The following LRRC9 variants were observed in gnomAD, a reference collection of about 807,000 sequenced individuals.
The protein encoded by LRRC9 is leucine rich repeat containing 9.
In LRRC9, 122 loss-of-function variants were observed where a neutral mutation model predicts 63.2. The observed-to-expected ratio is 1.93, with a 90% CI of 1.67 to 2.24. LRRC9 has a LOEUF of 2.24. Ranked by LOEUF, LRRC9 falls within the 30% of genes most tolerant of loss-of-function variation. LRRC9 has a pLI of 0.00. For missense variants in LRRC9, 1,071 were observed against 627.7 expected, an observed-to-expected ratio of 1.71 and a Z score of -7.55; for synonymous variants, 366 against 213.1, an observed-to-expected ratio of 1.72 and a Z score of -6.25.
chr14:60,036,142 T>C (rs922483285), intron 29 of LRRC9, among the ~76,000 whole-genome samples: 1 of 152,048 alleles, frequency 6.6e-6, no homozygotes, highest in Non-Finnish European at 1.5e-5. Flanking sequence ...ACTGGTCCCA[T>C]CACAAGGACC....
rs1048869621 is a variant in LRRC9 at position 59,938,920 on chromosome 14, C to CAT, written c.726+356_726+357dup. ...ATATATATACATATATACACATATG[C>CAT]ATATATATACACATATATACATATA... On this transcript the variant is annotated intron_variant, in intron 7 of 31. Coordinates refer to ENST00000445360, the Ensembl canonical transcript of LRRC9. The surrounding 1 kb of genome is among the most constrained non-coding windows in gnomAD (Gnocchi z 4.2). 1.5e-5 allele frequency among the ~76,000 whole-genome samples: 2 copies of CAT among 129,794 alleles called. No individual in the cohort carries two copies. Among genetic ancestry groups the CAT allele is most frequent in the African/African-American group, 3.0e-5 (1 of 33,048 alleles). 85.1% of individuals were successfully genotyped at this position (129,794 alleles called of 152,430 possible). A position where few individuals can be genotyped will look rare whatever the true frequency, so the allele number is the denominator to read the frequency against.
At chr14:59,960,791 C>T (rs1884271421) in intron 9 of LRRC9, 123 bp from the exon 10 acceptor site, 2 of 476,816 alleles carry the variant, frequency 4.2e-6, no homozygotes, top group Non-Finnish European at 7.4e-6. Context: ...TAACACCAAG[C>T]TTTCTTTATC....
At position 60,001,618 on chromosome 14, in the gene LRRC9, G is replaced by A. The variant is rs562623547; in HGVS notation, c.2530-348G>A. On this transcript the variant is annotated intron_variant, in intron 19 of 31. Transcript: ENST00000445360. ...AGATAATGATCACTTCTAAAGAAAA[G>A]GAAAGAAAAGGGCTTAGGATCGGGC... 5.0e-4 allele frequency among the ~76,000 whole-genome samples: 76 copies of A among 152,112 alleles called. 1 individual carries two copies. The highest frequency in any genetic ancestry group is 5.0e-4 in the Non-Finnish European group (34 of 67,994).
At chr14:60,035,934 C>T (rs1892391937) in intron 29 of LRRC9, among the ~76,000 whole-genome samples, 1 of 142,248 alleles carries the variant, frequency 7.0e-6, no homozygotes, top group East Asian at 2.1e-4. Context: ...TTTTTTTTAA[C>T]AACAGATATT....
intron 26 of LRRC9, among the ~76,000 whole-genome samples, chr14:60,020,556 T>C (rs557892098): frequency 2.4e-4 from 37 of 152,086 alleles, no homozygotes; most frequent in Middle Eastern, 3.4e-3. Flanking sequence ...TAGAGTTGTA[T>C]AATCATGACT....
chr14:59,957,609 A>C (rs1041637255), intron 8 of LRRC9, among the ~76,000 whole-genome samples: 3 of 152,130 alleles, frequency 2.0e-5, no homozygotes, highest in Non-Finnish European at 2.9e-5. Context: ...GTTATTACCC[A>C]CCTTCTGAAG....
At chr14:60,019,036 A>C in intron 25 of LRRC9, 85 bp from the exon 26 acceptor site, 1 of 531,912 alleles carries the variant, frequency 1.9e-6, no homozygotes, top group Non-Finnish European at 3.3e-6. Flanking sequence ...ATATATTATT[A>C]AATTATGTGG....
chr14:60,040,461 A>G (rs1052897280), intron 29 of LRRC9, among the ~76,000 whole-genome samples: 7 of 151,922 alleles, frequency 4.6e-5, no homozygotes, highest in Non-Finnish European at 1.0e-4. Flanking sequence ...GGGTGCATAT[A>G]TATGTAGGAT....
rs1345711917 is a variant in LRRC9 at position 60,017,922 on chromosome 14, T to C, written c.3318-449T>C. On this transcript the variant is annotated intron_variant, in intron 24 of 31. Transcript: ENST00000445360. The surrounding 1 kb of genome is among the most constrained non-coding windows in gnomAD (Gnocchi z 4.0). Reference sequence around the variant, plus strand: ...TATTTTCAAAGACCTTACCTGCTTTTCCTTTCCTTTCCTATCCCTAACCAC... The same window carrying C: ...TATTTTCAAAGACCTTACCTGCTTTCCCTTTCCTTTCCTATCCCTAACCAC... Among the ~76,000 whole-genome samples the C allele has an allele frequency of 6.6e-6, 1 of 152,106 alleles. No homozygotes were observed. Among genetic ancestry groups the C allele is most frequent in the East Asian group, 1.9e-4 (1 of 5,184 alleles).
chr14:59,934,164 A>T (rs1889939017), intron 6 of LRRC9, among the ~76,000 whole-genome samples: 2 of 152,170 alleles, frequency 1.3e-5, no homozygotes, highest in East Asian at 3.9e-4. Flanking sequence ...GAAGAGGAGG[A>T]GGAGGAAAGA....
rs759665146 is a variant in LRRC9 at position 59,927,963 on chromosome 14, T to C, written c.20T>C (p.Leu7Pro). The C allele has an allele frequency of 1.5e-6, 1 of 686,124 alleles. No homozygotes were observed. Among genetic ancestry groups the C allele is most frequent in the Non-Finnish European group, 2.6e-6 (1 of 377,948 alleles). 42.5% of individuals were successfully genotyped at this position (686,124 alleles called of 1,614,324 possible). Residue 7 changes from leucine (L) to proline (P), a missense_variant, in exon 2 of 32, where the codon CTA becomes CCA. Coordinates refer to ENST00000445360, the Ensembl canonical transcript of LRRC9. This position sits in a 1 kb window ranked among gnomAD's most constrained non-coding sequence, Gnocchi z 4.4. The stretch of plus-strand genomic sequence containing the variant: ...TGGAAGATGATTGAAAGTGAAAACC[T>C]AAACCAAGAAGAAATAATTAAAGAA...
rs1360357396 is a variant in LRRC9, at chr14:59,990,596, G to A, written c.2211+5372G>A. Among the ~76,000 whole-genome samples the A allele has an allele frequency of 6.6e-6, 1 of 151,772 alleles. No homozygotes were observed. Among genetic ancestry groups the A allele is most frequent in the African/African-American group, 2.4e-5 (1 of 41,276 alleles). On this transcript the variant is annotated intron_variant, in intron 17 of 31. Coordinates refer to ENST00000445360, the Ensembl canonical transcript of LRRC9. This position sits in a 1 kb window ranked among gnomAD's most constrained non-coding sequence, Gnocchi z 4.2. ...AATTAAAAAAAAAAACAATTTTGTAGAGATGGGGTTTCACTATGGTGCCTA... is the reference window on the plus strand; with the variant it reads ...AATTAAAAAAAAAAACAATTTTGTAAAGATGGGGTTTCACTATGGTGCCTA...
intron 22 of LRRC9, among the ~76,000 whole-genome samples, chr14:60,007,711 T>C (rs146603943): frequency 6.6e-5 from 10 of 152,276 alleles, no homozygotes; most frequent in African/African-American, 2.4e-4. Context: ...ATTCTGATTA[T>C]ATAACATAGA....
intron 8 of LRRC9, among the ~76,000 whole-genome samples, chr14:59,954,694 A>G (rs1478810444): frequency 1.3e-5 from 2 of 152,130 alleles, no homozygotes; most frequent in South Asian, 2.1e-4. Context: ...TTCCAATACT[A>G]TGTTGAATAG....
At chr14:60,033,104 AGT>A (rs889234260) in intron 29 of LRRC9, among the ~76,000 whole-genome samples, 2 of 152,088 alleles carry the variant, frequency 1.3e-5, no homozygotes, top group African/African-American at 4.8e-5. Flanking sequence ...TTTTTAAAAT[AGT>A]GTCTTTTTTA....
intron 23 of LRRC9, among the ~76,000 whole-genome samples, chr14:60,010,264 C>T (rs1001444882): frequency 1.3e-5 from 2 of 152,212 alleles, no homozygotes; most frequent in African/African-American, 4.8e-5. Context: ...TGGAGGTTCC[C>T]AAACCTCAAT....
At chr14:59,935,225 C>G (rs144186946) in intron 6 of LRRC9, among the ~76,000 whole-genome samples, 1 of 149,052 alleles carries the variant, frequency 6.7e-6, no homozygotes, top group African/African-American at 2.5e-5. Flanking sequence ...ACCTGAGAGG[C>G]GGAGGTTGCA....
chr14:59,928,510 C>A, intron 3 of LRRC9, 24 bp downstream of exon 3: 2 of 590,550 alleles, frequency 3.4e-6, no homozygotes, highest in Non-Finnish European at 3.0e-6. Context: ...TAAAACCTCA[C>A]ATGGAGTATT....
intron 15 of LRRC9, among the ~76,000 whole-genome samples, chr14:59,980,479 A>C (rs1399078576): frequency 6.6e-6 from 1 of 152,162 alleles, no homozygotes; most frequent in Non-Finnish European, 1.5e-5. Context: ...ATTCTTAAAC[A>C]GTATCTTTTT....
Sources: allele counts gnomAD v4.1 joint callset (sites outside exome capture counted in the v4.1 genomes callset), GRCh38; gene constraint gnomAD v4.1.1; non-coding constraint Gnocchi (gnomAD v3.1); transcripts MANE v1.5; gene names NCBI Gene and HGNC (gene_info 2026-07-23, HGNC 2026-07-21).